ABLIM1: variants seen among roughly 807,000 people sequenced by gnomAD.
The protein encoded by ABLIM1 is actin binding LIM protein 1.
In ABLIM1, 40 loss-of-function variants were observed where a neutral mutation model predicts 107.0. That is an observed-to-expected ratio of 0.37 (90% CI 0.29 to 0.49). The LOEUF (loss-of-function observed/expected upper bound fraction) is 0.49, where lower values mean the gene tolerates loss of function less well. Among genes scored for constraint, ABLIM1 ranks in the 20% least tolerant of loss-of-function variants. The probability of loss-of-function intolerance (pLI) is 0.97; values close to 1 mark genes in which losing one functional copy is unlikely to be tolerated. For synonymous variants in ABLIM1, 357 were observed against 357.3 expected, an observed-to-expected ratio of 1.00 and a Z score of 0.01; for missense variants, 857 against 1,008.5, an observed-to-expected ratio of 0.85 and a Z score of 2.04.
chr10:114,617,154 T>C (rs531142136), intron 1 of ABLIM1, among the ~76,000 whole-genome samples: 1 of 152,166 alleles, frequency 6.6e-6, no homozygotes, highest in East Asian at 1.9e-4. Flanking sequence ...GAGAAGGATA[T>C]ATACTATAGT....
At chr10:114,526,459 G>A (rs1294539087) in intron 6 of ABLIM1, among the ~76,000 whole-genome samples, 1 of 152,180 alleles carries the variant, frequency 6.6e-6, no homozygotes, top group African/African-American at 2.4e-5. Context: ...AAAAGCTCCT[G>A]TCGTTTCTTT....
chr10:114,776,146 C>A, the ABLIM1 span: 2 of 151,178 alleles, frequency 1.3e-5, no homozygotes, highest in Non-Finnish European at 2.9e-5. Context: ...TGGTGGACAA[C>A]AAACCCATTT....
At chr10:114,642,066 T>G (rs2078779368) in intron 1 of ABLIM1, among the ~76,000 whole-genome samples, 1 of 152,022 alleles carries the variant, frequency 6.6e-6, no homozygotes, top group Non-Finnish European at 1.5e-5. Context: ...ATTTTTAATT[T>G]TTTTTTTTTG....
intron 1 of ABLIM1, among the ~76,000 whole-genome samples, chr10:114,753,172 C>G (rs989305375): frequency 6.6e-6 from 1 of 152,122 alleles, no homozygotes; most frequent in Non-Finnish European, 1.5e-5. Context: ...AAGGAATCAT[C>G]TATAATATTT....
At chr10:114,642,421 A>G (rs996329139) in intron 1 of ABLIM1, among the ~76,000 whole-genome samples, 4 of 152,256 alleles carry the variant, frequency 2.6e-5, no homozygotes, top group Non-Finnish European at 4.4e-5. Context: ...GATAATTTCA[A>G]TAGTAAGAAT....
intron 15 of ABLIM1, 28 bp from the exon 16 acceptor site, chr10:114,445,431 A>G: frequency 6.3e-7 from 1 of 1,585,020 alleles, no homozygotes; most frequent in East Asian, 2.2e-5. Flanking sequence ...ACAACTTCTC[A>G]CATCAGCCCC....
At chr10:114,460,888 CTG>C (rs1385354425) in intron 12 of ABLIM1, among the ~76,000 whole-genome samples, 1 of 152,196 alleles carries the variant, frequency 6.6e-6, no homozygotes, top group African/African-American at 2.4e-5. Context: ...ACACTTTGTG[CTG>C]TGTTATTTGG....
chr10:114,507,176 C>G lies in ABLIM1; in HGVS notation c.895-15298G>C, dbSNP rs1013610664. Among the ~76,000 whole-genome samples, 100 of 152,142 alleles carry G rather than the reference C, an allele frequency of 6.6e-4. 2 individuals are homozygous for G. Among genetic ancestry groups the G allele is most frequent in the African/African-American group, 2.4e-3 (98 of 41,552 alleles). The stretch of plus-strand genomic sequence containing the variant: ...AAAACATCCTTGTCTGATTTCCTCT[C>G]CTATTGTGGCTGGACTTCATCTCCT... On this transcript the variant is annotated intron_variant, in intron 6 of 22. Coordinates refer to ENST00000533213, the MANE Select transcript of ABLIM1 (RefSeq NM_002313.7).
intron 1 of ABLIM1, among the ~76,000 whole-genome samples, chr10:114,669,833 T>C (rs1400360256): frequency 6.6e-6 from 1 of 151,936 alleles, no homozygotes; most frequent in Non-Finnish European, 1.5e-5. Context: ...GATCTGGGGA[T>C]CTGGGGTTAT....
At chr10:114,438,267 C>G (rs952198069) in intron 21 of ABLIM1, among the ~76,000 whole-genome samples, 2 of 151,980 alleles carry the variant, frequency 1.3e-5, no homozygotes, top group Non-Finnish European at 2.9e-5. Flanking sequence ...TTTTGTTTTT[C>G]TTTTTTTGTT....
chr10:114,497,545 G>A (rs149067474), intron 6 of ABLIM1, among the ~76,000 whole-genome samples: 4,419 of 152,088 alleles, frequency 0.029, 190 homozygotes, highest in African/African-American at 0.097. Context: ...AGCCAGGCTT[G>A]GTGGCGGGCG....
chr10:114,457,294 G>C (rs1037210820), intron 12 of ABLIM1, among the ~76,000 whole-genome samples: 1 of 151,862 alleles, frequency 6.6e-6, no homozygotes, highest in African/African-American at 2.4e-5. Context: ...TTTTGAGACA[G>C]AGTCTTGCTC....
At chr10:114,534,017 A>G (rs1457615241) in intron 6 of ABLIM1, among the ~76,000 whole-genome samples, 1 of 152,140 alleles carries the variant, frequency 6.6e-6, no homozygotes, top group Non-Finnish European at 1.5e-5. Context: ...ACCAAAGATT[A>G]AACTCTTTTT....
chr10:114,608,490 A>C (rs2076577484), intron 1 of ABLIM1, among the ~76,000 whole-genome samples: 1 of 150,616 alleles, frequency 6.6e-6, no homozygotes, highest in Non-Finnish European at 1.5e-5. Flanking sequence ...ACCAACATAG[A>C]GAAACCCTGT....
At chr10:114,596,421 C>T (rs1286748368) in intron 2 of ABLIM1, among the ~76,000 whole-genome samples, 2 of 152,168 alleles carry the variant, frequency 1.3e-5, no homozygotes, top group African/African-American at 4.8e-5. Context: ...AGTAAATGGG[C>T]CTGGCGTGGT....
At chr10:114,470,055 A>G (rs1389455898) in intron 10 of ABLIM1, among the ~76,000 whole-genome samples, 1 of 152,186 alleles carries the variant, frequency 6.6e-6, no homozygotes, top group Non-Finnish European at 1.5e-5. Context: ...CTGCACCTGC[A>G]CTGACAGCAA....
At chr10:114,681,584 GT>G (rs139552125) in intron 1 of ABLIM1, among the ~76,000 whole-genome samples, 2,526 of 152,288 alleles carry the variant, frequency 0.017, 66 homozygotes, top group African/African-American at 0.056. Context: ...AGAGCACTGT[GT>G]ATACTACATC....
chr10:114,471,350 A>G (rs944880893), intron 10 of ABLIM1, among the ~76,000 whole-genome samples: 1 of 152,174 alleles, frequency 6.6e-6, no homozygotes, highest in Admixed American at 6.5e-5. Context: ...AAAAACTCAC[A>G]TCCCCTTGCT....
At chr10:114,522,627 C>T (rs1358192367) in intron 6 of ABLIM1, among the ~76,000 whole-genome samples, 3 of 152,170 alleles carry the variant, frequency 2.0e-5, no homozygotes, top group South Asian at 2.1e-4. Flanking sequence ...AGTATTTTTG[C>T]TTCATCTAGT....
Sources: gnomAD v4.1 joint callset for allele counts (sites outside exome capture counted in the v4.1 genomes callset) on GRCh38, gnomAD v4.1.1 for gene constraint, MANE v1.5 for transcripts, NCBI Gene and HGNC (gene_info 2026-07-23, HGNC 2026-07-21) for gene names.